Variants in DRAM1 observed in about 807,000 individuals in gnomAD.
DRAM1 encodes the protein DNA damage-regulated autophagy modulator protein 1.
DRAM1 carries 25 observed loss-of-function variants against 28.5 expected under a neutral mutation model. That is an observed-to-expected ratio of 0.88 (90% CI 0.64 to 1.23). The LOEUF is 1.23. Among genes scored for constraint, DRAM1 ranks in the 50% most tolerant of loss-of-function variants. The pLI, the probability that DRAM1 is intolerant of heterozygous loss-of-function variation, is 0.00. For synonymous variants in DRAM1, 113 were observed against 114.2 expected, an observed-to-expected ratio of 0.99 and a Z score of 0.07; for missense variants, 249 against 299.2, an observed-to-expected ratio of 0.83 and a Z score of 1.24.
chr12:101,908,194 T>C lies in DRAM1; in HGVS notation c.351T>C (p.Ala117=). The part of the protein sequence containing the change: ...MGIVANFQEL[A]VPVVHDGGAL... ...TATGACTTTTTCTCCAGGAGTTAGC[T>C]GTGCCAGTGGTTCATGACGGGGGCG... The change falls in exon 4 of 7, where the codon GCT becomes GCC. Residue 117 remains alanine, a synonymous_variant. Coordinates refer to ENST00000258534, the MANE Select transcript of DRAM1 (RefSeq NM_018370.3). 6.2e-7 allele frequency: 1 copy of C among 1,606,798 alleles called. No homozygotes were observed. Among genetic ancestry groups the C allele is most frequent in the Non-Finnish European group, 8.5e-7 (1 of 1,177,712 alleles).
At chr12:101,901,550 TTACA>T (rs1873606137) in intron 3 of DRAM1, 117 bp downstream of exon 3, 2 of 1,256,678 alleles carry the variant, frequency 1.6e-6, no homozygotes, top group Non-Finnish European at 2.2e-6. Context: ...CTTGATGAGT[TTACA>T]ATAAGTGGGT....
intron 5 of DRAM1, among the ~76,000 whole-genome samples, chr12:101,916,361 A>G (rs1240830335): frequency 1.3e-5 from 2 of 152,204 alleles, no homozygotes; most frequent in Non-Finnish European, 2.9e-5. Context: ...AAAATTAGCC[A>G]GACGTTGTGG....
chr12:101,902,390 G>C (rs1338976882), intron 3 of DRAM1, among the ~76,000 whole-genome samples: 1 of 152,124 alleles, frequency 6.6e-6, no homozygotes, highest in Admixed American at 6.5e-5. Flanking sequence ...CATCTTCCTA[G>C]AGCCTGTGAG....
intron 3 of DRAM1, 143 bp downstream of exon 3, chr12:101,901,576 T>G: frequency 1.0e-6 from 1 of 967,346 alleles, no homozygotes; most frequent in Non-Finnish European, 1.5e-6. Flanking sequence ...AGTTTGCTTT[T>G]TAGAAACCTT....
At chr12:101,893,029 A>G (rs1158644953) in intron 1 of DRAM1, among the ~76,000 whole-genome samples, 1 of 152,222 alleles carries the variant, frequency 6.6e-6, no homozygotes, top group Non-Finnish European at 1.5e-5. Flanking sequence ...TCAGGCATTG[A>G]TGGTGGGTGT....
chr12:101,897,460 C>G (rs200948771), intron 1 of DRAM1, among the ~76,000 whole-genome samples: 2 of 152,068 alleles, frequency 1.3e-5, no homozygotes, highest in African/African-American at 4.8e-5. Context: ...CTCCACCTCC[C>G]AAAGTGCTGG....
At chr12:101,882,962 A>G (rs1872742221) in intron 1 of DRAM1, among the ~76,000 whole-genome samples, 1 of 150,344 alleles carries the variant, frequency 6.7e-6, no homozygotes, top group Non-Finnish European at 1.5e-5. Context: ...ACAAATGACT[A>G]TCAGTAGAGA....
At chr12:101,888,185 A>G (rs1468015427) in intron 1 of DRAM1, among the ~76,000 whole-genome samples, 2 of 152,094 alleles carry the variant, frequency 1.3e-5, no homozygotes, top group Admixed American at 6.6e-5. Flanking sequence ...GCTGGTGTGC[A>G]ATGGTGTGAT....
intron 1 of DRAM1, among the ~76,000 whole-genome samples, chr12:101,895,375 A>G (rs2121073956): frequency 6.6e-6 from 1 of 150,930 alleles, no homozygotes; most frequent in East Asian, 2.0e-4. Context: ...ACAGGGTTTC[A>G]CCATGTTGGC....
At chr12:101,878,807 C>A (rs1224598699) in intron 1 of DRAM1, among the ~76,000 whole-genome samples, 5 of 152,024 alleles carry the variant, frequency 3.3e-5, no homozygotes, top group Non-Finnish European at 7.4e-5. Flanking sequence ...TTGGTGACAC[C>A]CAAGGTTTGT....
At chr12:101,919,757 C>T (rs774818481) in intron 5 of DRAM1, among the ~76,000 whole-genome samples, 2 of 152,198 alleles carry the variant, frequency 1.3e-5, no homozygotes, top group Non-Finnish European at 2.9e-5. Context: ...CTCAGCAGAG[C>T]GAGACCAAGT....
At chr12:101,883,772 C>T (rs540455668) in intron 1 of DRAM1, among the ~76,000 whole-genome samples, 32 of 151,316 alleles carry the variant, frequency 2.1e-4, no homozygotes, top group African/African-American at 6.0e-4. Flanking sequence ...CCTATCTCTA[C>T]TAAAAATACA....
intron 1 of DRAM1, among the ~76,000 whole-genome samples, chr12:101,893,720 G>T (rs1015483658): frequency 2.6e-5 from 4 of 152,006 alleles, no homozygotes; most frequent in Non-Finnish European, 5.9e-5. Context: ...GCACCTAATG[G>T]TGCCTGGTGG....
chr12:101,895,216 T>TA (rs1555282155), intron 1 of DRAM1, among the ~76,000 whole-genome samples: 4 of 95,210 alleles, frequency 4.2e-5, no homozygotes, highest in South Asian at 3.5e-4. Context: ...TTTTTTTTTT[T>TA]ACCCAGGCTG....
intron 1 of DRAM1, among the ~76,000 whole-genome samples, chr12:101,890,937 G>GTATATTAAA (rs1873101578): frequency 6.6e-6 from 1 of 151,960 alleles, no homozygotes; most frequent in South Asian, 2.1e-4. Context: ...TTTTAATAGA[G>GTATATTAAA]ACGGGGTTTC....
At chr12:101,895,695 G>A (rs4764673) in intron 1 of DRAM1, among the ~76,000 whole-genome samples, 76,550 of 146,502 alleles carry the variant, frequency 0.52, 19,994 homozygotes, top group East Asian at 0.64. Context: ...CTCAGCCTCC[G>A]GATTAGCTGG....
chr12:101,891,294 C>G (rs1382052186), intron 1 of DRAM1, among the ~76,000 whole-genome samples: 1 of 152,110 alleles, frequency 6.6e-6, no homozygotes, highest in Non-Finnish European at 1.5e-5. Context: ...TTGGAACAAT[C>G]TAATAAATTT....
chr12:101,904,370 TGTCA>T (rs1873715125), intron 3 of DRAM1, among the ~76,000 whole-genome samples: 2 of 142,018 alleles, frequency 1.4e-5, no homozygotes. Context: ...GGTTTAACTC[TGTCA>T]GTATTCACAT....
intron 5 of DRAM1, among the ~76,000 whole-genome samples, chr12:101,915,767 A>G (rs1026568084): frequency 2.0e-5 from 3 of 151,960 alleles, no homozygotes; most frequent in African/African-American, 7.2e-5. Context: ...TCACCGTGTT[A>G]GCCAGGATGG....
Sources: gnomAD v4.1 joint callset for allele counts (sites outside exome capture counted in the v4.1 genomes callset) on GRCh38, gnomAD v4.1.1 for gene constraint, MANE v1.5 for transcripts, NCBI Gene and HGNC (gene_info 2026-07-23, HGNC 2026-07-21) for gene names.